NRG3: variants seen among roughly 807,000 people sequenced by gnomAD.
The protein encoded by NRG3 is pro-neuregulin-3, membrane-bound isoform.
NRG3 carries 31 observed loss-of-function variants against 66.9 expected under a neutral mutation model. The ratio of observed to expected loss-of-function variants is 0.46; its 90% CI spans 0.35 to 0.63. The LOEUF (loss-of-function observed/expected upper bound fraction) is 0.63. Among genes scored for constraint, NRG3 ranks in the 20% least tolerant of loss-of-function variants. The probability of loss-of-function intolerance (pLI) is 0.00; values close to 1 mark genes in which losing one functional copy is unlikely to be tolerated. For missense variants in NRG3, 910 were observed against 878.9 expected, an observed-to-expected ratio of 1.04 and a Z score of -0.45; for synonymous variants, 393 against 359.4, an observed-to-expected ratio of 1.09 and a Z score of -1.06.
chr10:82,548,538 C>A (rs900996318), intron 2 of NRG3, among the ~76,000 whole-genome samples: 24 of 151,418 alleles, frequency 1.6e-4, no homozygotes, highest in Non-Finnish European at 7.4e-5. Flanking sequence ...CACACACACA[C>A]ACACACACAC....
rs571829872 is a variant in NRG3, at chr10:82,325,419, T to C, written c.824-33320T>C. 1.5e-4 allele frequency among the ~76,000 whole-genome samples: 23 copies of C among 152,230 alleles called. No homozygotes were observed. In the South Asian group the frequency reaches 4.6e-3, roughly 30 times the overall value. ...TGCCCAGGCTGGTAGTATTTCTCTT[T>C]ATTCCTCAAATTTTGGTGATTATAA... On this transcript the variant is annotated intron_variant, in intron 1 of 8. Transcript: ENST00000372141.
intron 4 of NRG3, among the ~76,000 whole-genome samples, chr10:82,903,057 T>A (rs998441988): frequency 6.6e-6 from 1 of 152,024 alleles, no homozygotes; most frequent in African/African-American, 2.4e-5. Context: ...TATGCACAAA[T>A]TTACTATAAA....
At chr10:82,395,694 T>C (rs1201966626) in intron 2 of NRG3, among the ~76,000 whole-genome samples, 1 of 152,056 alleles carries the variant, frequency 6.6e-6, no homozygotes, top group African/African-American at 2.4e-5. Flanking sequence ...ATCCATCCAC[T>C]CATCCACCCA....
At chr10:82,537,337 C>A (rs558945685) in intron 2 of NRG3, among the ~76,000 whole-genome samples, 18 of 151,886 alleles carry the variant, frequency 1.2e-4, no homozygotes, top group Non-Finnish European at 2.2e-4. Context: ...CATATCAAAC[C>A]CTCCAAAACA....
chr10:82,694,353 G>A (rs545287493), intron 2 of NRG3, among the ~76,000 whole-genome samples: 1 of 152,300 alleles, frequency 6.6e-6, no homozygotes, highest in East Asian at 1.9e-4. Flanking sequence ...AATGATATAG[G>A]TTTGGGGGAA....
intron 2 of NRG3, among the ~76,000 whole-genome samples, chr10:82,677,240 TG>T (rs1373386052): frequency 5.3e-5 from 8 of 151,804 alleles, no homozygotes; most frequent in Non-Finnish European, 1.0e-4. Context: ...TTTGTAGAGA[TG>T]GGGGTTTCAC....
At chr10:82,402,602 C>T (rs2087192505) in intron 2 of NRG3, among the ~76,000 whole-genome samples, 1 of 152,068 alleles carries the variant, frequency 6.6e-6, no homozygotes, top group Non-Finnish European at 1.5e-5. Context: ...TTCATCTTTC[C>T]AGGGACAGCC....
intron 1 of NRG3, among the ~76,000 whole-genome samples, chr10:82,222,386 A>G (rs762394434): frequency 3.3e-5 from 5 of 152,166 alleles, no homozygotes; most frequent in Non-Finnish European, 7.3e-5. Context: ...AACAAGGAGC[A>G]TAAGTTGGAT....
intron 2 of NRG3, among the ~76,000 whole-genome samples, chr10:82,665,106 C>A (rs2052661162): frequency 6.6e-6 from 1 of 152,094 alleles, no homozygotes; most frequent in Admixed American, 6.6e-5. Context: ...TCATTCCCAG[C>A]CATTGTTCTG....
intron 4 of NRG3, among the ~76,000 whole-genome samples, chr10:82,898,177 C>T (rs1475899431): frequency 6.6e-6 from 1 of 152,180 alleles, no homozygotes; most frequent in African/African-American, 2.4e-5. Flanking sequence ...TGGGACAACC[C>T]TGAGTCTGTC....
intron 3 of NRG3, among the ~76,000 whole-genome samples, chr10:82,793,802 G>A (rs973862006): frequency 6.6e-6 from 1 of 152,020 alleles, no homozygotes; most frequent in African/African-American, 2.4e-5. Context: ...CTTCCACAAG[G>A]CATCATATCA....
intron 1 of NRG3, among the ~76,000 whole-genome samples, chr10:81,970,015 A>G (rs1475743637): frequency 2.0e-5 from 3 of 152,204 alleles, no homozygotes; most frequent in African/African-American, 7.2e-5. Flanking sequence ...ATAGTGTAAG[A>G]CATATAGTAG....
intron 3 of NRG3, among the ~76,000 whole-genome samples, chr10:82,851,312 C>G (rs941407547): frequency 6.6e-6 from 1 of 152,018 alleles, no homozygotes; most frequent in African/African-American, 2.4e-5. Context: ...TTGGAGGACA[C>G]GGAGCTTGGG....
At chr10:82,728,441 T>C (rs1222619845) in intron 2 of NRG3, among the ~76,000 whole-genome samples, 6 of 152,066 alleles carry the variant, frequency 3.9e-5, no homozygotes, top group African/African-American at 1.4e-4. Flanking sequence ...AAAATGGGAG[T>C]TGCCCTGCAC....
chr10:82,008,488 C>G (rs1467890924), intron 1 of NRG3, among the ~76,000 whole-genome samples: 1 of 152,104 alleles, frequency 6.6e-6, no homozygotes. Flanking sequence ...TTGAATGTCC[C>G]TATTTGGAAG....
At chr10:82,379,127 T>C (rs970388957) in intron 2 of NRG3, among the ~76,000 whole-genome samples, 20 of 152,080 alleles carry the variant, frequency 1.3e-4, no homozygotes, top group African/African-American at 4.3e-4. Context: ...CCCTGGGAGA[T>C]TGAACATGAA....
At chr10:82,116,866 G>A (rs966538767) in intron 1 of NRG3, among the ~76,000 whole-genome samples, 6 of 152,124 alleles carry the variant, frequency 3.9e-5, no homozygotes, top group South Asian at 2.1e-4. Flanking sequence ...AGATTTCTTC[G>A]GTACTCTTCT....
chr10:82,201,969 G>C (rs1369783699), intron 1 of NRG3, among the ~76,000 whole-genome samples: 1 of 152,056 alleles, frequency 6.6e-6, no homozygotes. Context: ...GAAGACAATT[G>C]ATATACACCC....
At chr10:82,166,516 T>G (rs948322934) in intron 1 of NRG3, among the ~76,000 whole-genome samples, 2 of 152,048 alleles carry the variant, frequency 1.3e-5, no homozygotes, top group African/African-American at 2.4e-5. Context: ...CCTCTCCTGG[T>G]CTTTGTGGTA....
Sources: allele counts gnomAD v4.1 joint callset (sites outside exome capture counted in the v4.1 genomes callset), GRCh38; gene constraint gnomAD v4.1.1; transcripts MANE v1.5; gene names NCBI Gene and HGNC (gene_info 2026-07-23, HGNC 2026-07-21).